Variants in TRHDE observed in about 807,000 individuals in gnomAD.
TRHDE encodes the protein thyrotropin releasing hormone degrading enzyme.
A neutral mutation model predicts 125.7 loss-of-function variants in TRHDE; 72 were observed. That is an observed-to-expected ratio of 0.57 (90% CI 0.47 to 0.70). TRHDE has a LOEUF of 0.70. Ranked by LOEUF, TRHDE falls within the 30% of genes least tolerant of loss-of-function variation. The pLI, the probability that TRHDE is intolerant of heterozygous loss-of-function variation, is 0.00. For missense variants in TRHDE, 1,110 were observed against 1,327.1 expected, an observed-to-expected ratio of 0.84 and a Z score of 2.54; for synonymous variants, 509 against 509.1, an observed-to-expected ratio of 1.00 and a Z score of 0.00.
chr12:72,199,889 A>G (rs1419272711), intron 2 of TRHDE, among the ~76,000 whole-genome samples: 2 of 152,178 alleles, frequency 1.3e-5, no homozygotes, highest in Non-Finnish European at 2.9e-5. Context: ...ATGAATTTAA[A>G]TTCTAAAGGG....
intron 2 of TRHDE, among the ~76,000 whole-genome samples, chr12:72,230,892 T>A (rs1878233588): frequency 6.6e-6 from 1 of 152,208 alleles, no homozygotes; most frequent in South Asian, 2.1e-4. Context: ...ATACTGTTAC[T>A]ATGAATCATT....
At chr12:72,560,117 T>A (rs12227681) in intron 7 of TRHDE, among the ~76,000 whole-genome samples, 40,241 of 151,792 alleles carry the variant, frequency 0.27, 8,011 homozygotes, top group African/African-American at 0.54. Context: ...CTTTCTCTTT[T>A]AAAAAAGGGA....
At chr12:72,169,824 T>C (rs1255436569) in intron 2 of TRHDE, among the ~76,000 whole-genome samples, 1 of 152,200 alleles carries the variant, frequency 6.6e-6, no homozygotes, top group African/African-American at 2.4e-5. Context: ...ATAGTCATTC[T>C]TGGGGTTAGA....
intron 2 of TRHDE, among the ~76,000 whole-genome samples, chr12:72,304,787 C>A (rs1199882640): frequency 3.3e-5 from 5 of 152,206 alleles, no homozygotes; most frequent in Admixed American, 2.6e-4. Flanking sequence ...CTAAATGAAC[C>A]AGGGATGTTT....
intron 12 of TRHDE, among the ~76,000 whole-genome samples, chr12:72,576,151 A>G (rs1229418773): frequency 6.6e-6 from 1 of 152,144 alleles, no homozygotes; most frequent in Admixed American, 6.6e-5. Flanking sequence ...TATTTGCTCA[A>G]TTTTGAGACT....
intron 2 of TRHDE, among the ~76,000 whole-genome samples, chr12:72,251,503 T>C (rs1035462222): frequency 5.9e-5 from 9 of 151,758 alleles, no homozygotes; most frequent in African/African-American, 1.7e-4. Flanking sequence ...CATTCCTTTT[T>C]ATTGCTGAGT....
chr12:72,260,449 T>C (rs1410480309), intron 2 of TRHDE, among the ~76,000 whole-genome samples: 1 of 152,166 alleles, frequency 6.6e-6, no homozygotes, highest in Admixed American at 6.5e-5. Context: ...GTCTTGACTG[T>C]GGGACCAACT....
chr12:72,279,138 A>T (rs1565681996), intron 1 of TRHDE, among the ~76,000 whole-genome samples: 1 of 152,164 alleles, frequency 6.6e-6, no homozygotes, highest in Non-Finnish European at 1.5e-5. Flanking sequence ...GATTGTTGCC[A>T]CTGTGTATGT....
chr12:72,404,521 A>T lies in TRHDE; in HGVS notation c.1315+26400A>T, dbSNP rs189873985. Among the ~76,000 whole-genome samples, 3 of 152,314 alleles carry T rather than the reference A, an allele frequency of 2.0e-5. No homozygotes were observed. The East Asian group carries it at 5.8e-4, about 29-fold the overall frequency. On this transcript the variant is annotated intron_variant, in intron 3 of 18. Transcript: ENST00000261180. ...TAAAGGAAAGAGGTTTAATTGACTC[A>T]CAGTTTCACATGACTGGGGAGGCCT...
At chr12:72,191,480 T>C (rs1177911682) in intron 2 of TRHDE, among the ~76,000 whole-genome samples, 13 of 152,214 alleles carry the variant, frequency 8.5e-5, no homozygotes, top group Admixed American at 8.5e-4. Flanking sequence ...GATTTTGTTT[T>C]TTCTTTCTGA....
chr12:72,371,049 C>G (rs1444531790), intron 2 of TRHDE, among the ~76,000 whole-genome samples: 1 of 152,024 alleles, frequency 6.6e-6, no homozygotes, highest in African/African-American at 2.4e-5. Flanking sequence ...CTGGCCAATT[C>G]CCACACATTT....
Position 72,555,728 on chromosome 12 carries a change from C to T in TRHDE, c.1789-6437C>T, listed in dbSNP as rs1869890748. Among the ~76,000 whole-genome samples the T allele has an allele frequency of 2.6e-5, 4 of 152,246 alleles. 1 individual carries two copies. The South Asian group carries it at 8.3e-4, about 32-fold the overall frequency. On this transcript the variant is annotated intron_variant, in intron 7 of 18. Coordinates refer to ENST00000261180, the MANE Select transcript of TRHDE (RefSeq NM_013381.3). ...TTCTCAAGGTTAGGGAATGTGAAAACATCCTCTGAAGTGCATGGGCCAGGC... is the reference window on the plus strand; with the variant it reads ...TTCTCAAGGTTAGGGAATGTGAAAATATCCTCTGAAGTGCATGGGCCAGGC...
chr12:72,456,981 C>A, intron 3 of TRHDE, among the ~76,000 whole-genome samples: 1 of 151,956 alleles, frequency 6.6e-6, no homozygotes, highest in Non-Finnish European at 1.5e-5. Context: ...TTGGGAAAGC[C>A]ACTTTCTTTA....
intron 2 of TRHDE, among the ~76,000 whole-genome samples, chr12:72,195,829 T>C (rs555626718): frequency 1.3e-5 from 2 of 152,222 alleles, no homozygotes; most frequent in South Asian, 4.1e-4. Flanking sequence ...GTTTCCTGGG[T>C]TTTCTTCTAG....
At chr12:72,357,069 T>G (rs1268756215) in intron 2 of TRHDE, among the ~76,000 whole-genome samples, 1 of 151,532 alleles carries the variant, frequency 6.6e-6, no homozygotes, top group African/African-American at 2.4e-5. Context: ...TTATGTATAC[T>G]TAAAACTTTC....
At chr12:72,345,772 C>T (rs981268622) in intron 2 of TRHDE, among the ~76,000 whole-genome samples, 1 of 151,982 alleles carries the variant, frequency 6.6e-6, no homozygotes, top group Non-Finnish European at 1.5e-5. Context: ...GGGAGACAGA[C>T]AGCTGAAGAG....
chr12:72,623,420 G>C (rs909003210), intron 15 of TRHDE, among the ~76,000 whole-genome samples: 2 of 151,986 alleles, frequency 1.3e-5, no homozygotes, highest in African/African-American at 4.8e-5. Flanking sequence ...AATTTCTCTA[G>C]AAAGCATTCA....
chr12:72,530,955 T>C (rs1868521369), intron 6 of TRHDE, among the ~76,000 whole-genome samples: 2 of 152,118 alleles, frequency 1.3e-5, no homozygotes, highest in African/African-American at 4.8e-5. Flanking sequence ...TCAGACCCTA[T>C]CAAAGTGCCT....
intron 2 of TRHDE, among the ~76,000 whole-genome samples, chr12:72,235,672 T>C (rs1015333477): frequency 1.3e-5 from 2 of 152,178 alleles, no homozygotes; most frequent in African/African-American, 2.4e-5. Flanking sequence ...AGGCTATAGA[T>C]TGGATTCAGG....
Sources: gnomAD v4.1 joint callset for allele counts (sites outside exome capture counted in the v4.1 genomes callset) on GRCh38, gnomAD v4.1.1 for gene constraint, MANE v1.5 for transcripts, NCBI Gene and HGNC (gene_info 2026-07-23, HGNC 2026-07-21) for gene names.